The following PTPRD variants were observed in gnomAD, a reference collection of about 807,000 sequenced individuals.
PTPRD encodes the protein protein tyrosine phosphatase receptor type D.
Under a neutral mutation model 214.5 loss-of-function variants are expected in PTPRD, and 34 were observed. The observed-to-expected ratio is 0.16, with a 90% CI of 0.12 to 0.21. The LOEUF (loss-of-function observed/expected upper bound fraction) is 0.21, where lower values mean the gene tolerates loss of function less well. Among genes scored for constraint, PTPRD ranks in the 10% least tolerant of loss-of-function variants. PTPRD has a pLI of 1.00. For synonymous variants in PTPRD, 1,128 were observed against 845.7 expected, an observed-to-expected ratio of 1.33 and a Z score of -5.79; for missense variants, 2,545 against 2,398.7, an observed-to-expected ratio of 1.06 and a Z score of -1.27.
intron 5 of PTPRD, among the ~76,000 whole-genome samples, chr9:9,781,260 A>C (rs1258026866): frequency 6.6e-6 from 1 of 152,230 alleles, no homozygotes; most frequent in Non-Finnish European, 1.5e-5. Flanking sequence ...TAATGGGTTT[A>C]ACTGACAGTG....
intron 5 of PTPRD, among the ~76,000 whole-genome samples, chr9:9,894,300 C>T (rs572817778): frequency 6.6e-6 from 1 of 152,108 alleles, no homozygotes; most frequent in African/African-American, 2.4e-5. Context: ...ATAGTATCTC[C>T]TCATACTTAA....
intron 3 of PTPRD, among the ~76,000 whole-genome samples, chr9:10,160,270 G>A (rs1438920825): frequency 6.6e-6 from 1 of 151,942 alleles, no homozygotes; most frequent in African/African-American, 2.4e-5. Flanking sequence ...ACATTCCTGG[G>A]CACATATAAT....
intron 3 of PTPRD, among the ~76,000 whole-genome samples, chr9:10,058,101 G>T (rs1315016984): frequency 6.6e-6 from 1 of 152,004 alleles, no homozygotes; most frequent in African/African-American, 2.4e-5. Context: ...ATGTTTGATT[G>T]TTTTGGCTAC....
intron 23 of PTPRD, among the ~76,000 whole-genome samples, chr9:8,504,002 C>T (rs1051895719): frequency 5.3e-5 from 8 of 152,190 alleles, no homozygotes; most frequent in African/African-American, 1.9e-4. Context: ...CTTTAACCCA[C>T]ATTTCACCCA....
chr9:10,148,728 A>G (rs2099040840), intron 3 of PTPRD, among the ~76,000 whole-genome samples: 1 of 152,218 alleles, frequency 6.6e-6, no homozygotes, highest in South Asian at 2.1e-4. Flanking sequence ...TACCAACTGT[A>G]ATGCCCAGGT....
chr9:9,090,936 G>T, intron 10 of PTPRD: 2 of 1,556,118 alleles, frequency 1.3e-6, no homozygotes, highest in South Asian at 1.1e-5. Flanking sequence ...GTGCCAAAAA[G>T]GGCTGCGGCC....
chr9:8,704,975 A>C (rs183071034), intron 12 of PTPRD, among the ~76,000 whole-genome samples: 1 of 152,130 alleles, frequency 6.6e-6, no homozygotes, highest in East Asian at 1.9e-4. Flanking sequence ...AATGGCTCTC[A>C]ATCTTTTTCT....
intron 2 of PTPRD, among the ~76,000 whole-genome samples, chr9:10,425,007 C>T (rs1171648965): frequency 6.6e-6 from 1 of 151,948 alleles, no homozygotes; most frequent in Non-Finnish European, 1.5e-5. Flanking sequence ...TGTGCAGTTT[C>T]TTTAGCTTAA....
intron 3 of PTPRD, among the ~76,000 whole-genome samples, chr9:10,205,016 T>G (rs1358380498): frequency 6.9e-6 from 1 of 145,194 alleles, no homozygotes; most frequent in African/African-American, 2.7e-5. Context: ...ATAATTCTAT[T>G]TTTAACAAGC....
chr9:8,640,040 C>T (rs2096538802), intron 12 of PTPRD, among the ~76,000 whole-genome samples: 1 of 152,154 alleles, frequency 6.6e-6, no homozygotes, highest in African/African-American at 2.4e-5. Flanking sequence ...AGTCAGTCCT[C>T]CCACCTTAGC....
At chr9:10,439,939 T>C (rs1450636135) in intron 2 of PTPRD, among the ~76,000 whole-genome samples, 1 of 151,738 alleles carries the variant, frequency 6.6e-6, no homozygotes, top group Non-Finnish European at 1.5e-5. Context: ...ATCTGTTATC[T>C]GTGTTGTTAC....
intron 10 of PTPRD, among the ~76,000 whole-genome samples, chr9:9,047,207 A>T (rs905087923): frequency 6.6e-6 from 1 of 152,046 alleles, no homozygotes; most frequent in Admixed American, 6.6e-5. Flanking sequence ...ACAAGTGAAA[A>T]ATCTCTATAA....
chr9:8,901,500 A>G (rs577164867), intron 11 of PTPRD, among the ~76,000 whole-genome samples: 4 of 152,344 alleles, frequency 2.6e-5, no homozygotes, highest in African/African-American at 9.6e-5. Flanking sequence ...AAGTAGGGCA[A>G]CACTTCTTAT....
At position 8,341,745 on chromosome 9, in the gene PTPRD, A is replaced by T. The variant is rs1852681464; in HGVS notation, c.4895T>A (p.Leu1632Gln). ...ATTCTCTCCCGTTTCTATTTGTGTC[A>T]GCTTCTGAATGTAGGCATACAAGTT... ...ARNLYAYIQK[L>Q]TQIETGENVT... The change falls in exon 40 of 46, where the codon CTG becomes CAG. Residue 1632 changes from leucine to glutamine, a missense_variant. Physicochemically the swap from Leu to Gln is moderately radical, Grantham distance 113 (BLOSUM62 -2). Transcript: ENST00000381196. 6.2e-7 allele frequency: 1 copy of T among 1,613,560 alleles called. No individual in the cohort carries two copies. Among genetic ancestry groups the T allele is most frequent in the Non-Finnish European group, 8.5e-7 (1 of 1,179,684 alleles).
At chr9:8,713,506 C>A in intron 12 of PTPRD, 1 of 1,170,346 alleles carries the variant, frequency 8.5e-7, no homozygotes. Flanking sequence ...CTACTGTGGT[C>A]AGGTGTTTGA....
chr9:8,817,910 A>G (rs1356769688), intron 11 of PTPRD, among the ~76,000 whole-genome samples: 2 of 152,222 alleles, frequency 1.3e-5, no homozygotes, highest in African/African-American at 4.8e-5. Context: ...ATTTGGATCA[A>G]ATAAAACTAC....
intron 9 of PTPRD, among the ~76,000 whole-genome samples, chr9:9,187,009 T>C (rs1454306963): frequency 6.6e-6 from 1 of 151,302 alleles, no homozygotes. Flanking sequence ...ATATAATAAT[T>C]AAAACATTTC....
chr9:8,852,786 CT>C (rs756439326), intron 11 of PTPRD, among the ~76,000 whole-genome samples: 2 of 152,050 alleles, frequency 1.3e-5, no homozygotes, highest in Non-Finnish European at 2.9e-5. Flanking sequence ...TTTTTTCCCC[CT>C]TTTGGTAATT....
intron 7 of PTPRD, among the ~76,000 whole-genome samples, chr9:9,611,524 C>A (rs961914461): frequency 6.6e-6 from 1 of 151,970 alleles, no homozygotes; most frequent in African/African-American, 2.4e-5. Flanking sequence ...AACATAGAAT[C>A]TGATGTATAA....
Sources: allele counts gnomAD v4.1 joint callset (sites outside exome capture counted in the v4.1 genomes callset), GRCh38; gene constraint gnomAD v4.1.1; transcripts MANE v1.5; gene names NCBI Gene and HGNC (gene_info 2026-07-23, HGNC 2026-07-21).